AFF3: variants seen among roughly 807,000 people sequenced by gnomAD.
The protein encoded by AFF3 is ALF transcription elongation factor 3, also known as AF4/FMR2 family member 3.
A neutral mutation model predicts 129.7 loss-of-function variants in AFF3; 32 were observed. The observed-to-expected ratio is 0.25, with a 90% CI of 0.19 to 0.33. The LOEUF (loss-of-function observed/expected upper bound fraction) is 0.33, where lower values mean the gene tolerates loss of function less well. Among genes scored for constraint, AFF3 ranks in the 10% least tolerant of loss-of-function variants. The pLI, the probability that AFF3 is intolerant of heterozygous loss-of-function variation, is 1.00. For synonymous variants in AFF3, 644 were observed against 635.4 expected (o/e 1.01, Z -0.20); for missense variants, 1,373 against 1,592.0 (o/e 0.86, Z 2.34).
chr2:99,758,847 C>T (rs1682342833), intron 8 of AFF3, among the ~76,000 whole-genome samples: 2 of 152,174 alleles, frequency 1.3e-5, no homozygotes, highest in South Asian at 4.1e-4. Flanking sequence ...ACTCTTTACT[C>T]CCAGTCCAGT....
chr2:99,713,477 C>T (rs1558776961), intron 11 of AFF3, among the ~76,000 whole-genome samples: 1 of 151,708 alleles, frequency 6.6e-6, no homozygotes, highest in Non-Finnish European at 1.5e-5. Context: ...CCCTGTTGGC[C>T]AGGTTGGTCT....
At chr2:99,704,999 A>T (rs1677220052) in intron 11 of AFF3, among the ~76,000 whole-genome samples, 1 of 152,168 alleles carries the variant, frequency 6.6e-6, no homozygotes, top group Admixed American at 6.5e-5. Flanking sequence ...AAGGTAGAGG[A>T]AAAAAACCAA....
chr2:99,965,969 G>C (rs1677702280), intron 7 of AFF3, among the ~76,000 whole-genome samples: 1 of 152,134 alleles, frequency 6.6e-6, no homozygotes, highest in Non-Finnish European at 1.5e-5. Flanking sequence ...TACTATACAT[G>C]AGATTTTTAT....
chr2:100,011,479 C>G (rs767254701), intron 4 of AFF3: 1 of 780,806 alleles, frequency 1.3e-6, no homozygotes, highest in African/African-American at 1.7e-5. Context: ...CAGAAGGCCC[C>G]CATGCCCAAA....
At chr2:99,793,748 T>C (rs1685369802) in intron 8 of AFF3, among the ~76,000 whole-genome samples, 1 of 152,210 alleles carries the variant, frequency 6.6e-6, no homozygotes, top group South Asian at 2.1e-4. Flanking sequence ...AAATTTTCAG[T>C]ATCTTTGTCC....
chr2:100,113,250 A>G (rs1223068737), intron 2 of AFF3, among the ~76,000 whole-genome samples: 4 of 152,252 alleles, frequency 2.6e-5, no homozygotes, highest in Non-Finnish European at 5.9e-5. Flanking sequence ...CAGTGAGCTA[A>G]GAAAGAAGAT....
intron 7 of AFF3, among the ~76,000 whole-genome samples, chr2:99,941,300 T>C (rs904472303): frequency 2.6e-5 from 4 of 152,134 alleles, no homozygotes; most frequent in Middle Eastern, 3.2e-3. Context: ...CTTTAGAGGA[T>C]TGGGCAGCTC....
intron 11 of AFF3, among the ~76,000 whole-genome samples, chr2:99,703,356 G>A (rs1677055042): frequency 6.6e-6 from 1 of 152,222 alleles, no homozygotes; most frequent in Non-Finnish European, 1.5e-5. Context: ...GCATGTGAAT[G>A]ATACGGTGGG....
chr2:100,126,110 A>T (rs2105572296), intron 2 of AFF3, among the ~76,000 whole-genome samples: 1 of 152,354 alleles, frequency 6.6e-6, no homozygotes, highest in African/African-American at 2.4e-5. Context: ...CCAACTTCTC[A>T]CACCCATCCT....
At chr2:99,754,656 CT>C (rs1681941174) in intron 8 of AFF3, among the ~76,000 whole-genome samples, 1 of 152,208 alleles carries the variant, frequency 6.6e-6, no homozygotes, top group African/African-American at 2.4e-5. Flanking sequence ...CCAACAGCTT[CT>C]TACAACTGAC....
intron 7 of AFF3, among the ~76,000 whole-genome samples, chr2:99,858,968 AT>A (rs1286081382): frequency 2.6e-5 from 4 of 152,238 alleles, no homozygotes; most frequent in Non-Finnish European, 5.9e-5. Context: ...ATCTTCAGTA[AT>A]AGCTGACCGA....
At chr2:99,844,434 C>CTTTTTTTTTTTTTTTTT (rs984233053) in intron 7 of AFF3, among the ~76,000 whole-genome samples, 46 of 92,454 alleles carry the variant, frequency 5.0e-4, no homozygotes, top group South Asian at 8.3e-4. Flanking sequence ...TTTTTCTTTT[C>CTTTTTTTTTTTTTTTTT]TTTTTTTTTT....
intron 8 of AFF3, among the ~76,000 whole-genome samples, chr2:99,825,794 G>A (rs925814766): frequency 6.6e-6 from 1 of 152,092 alleles, no homozygotes. Flanking sequence ...AGCCCTCAGG[G>A]GTTAGCATGT....
At chr2:100,134,699 C>T (rs1378894292) in intron 1 of AFF3, among the ~76,000 whole-genome samples, 1 of 152,170 alleles carries the variant, frequency 6.6e-6, no homozygotes, top group Non-Finnish European at 1.5e-5. Flanking sequence ...TTTTACTCTC[C>T]TCTCCACCAC....
intron 7 of AFF3, among the ~76,000 whole-genome samples, chr2:99,983,550 C>T (rs926512817): frequency 6.6e-6 from 1 of 152,192 alleles, no homozygotes; most frequent in African/African-American, 2.4e-5. Context: ...CTTCAAGGGT[C>T]TGCTGTTGTT....
chr2:99,977,971 A>C (rs1170418684), intron 7 of AFF3, among the ~76,000 whole-genome samples: 1 of 152,184 alleles, frequency 6.6e-6, no homozygotes, highest in Non-Finnish European at 1.5e-5. Flanking sequence ...TCTAAGGAGG[A>C]GAAGAGCTCA....
intron 7 of AFF3, among the ~76,000 whole-genome samples, chr2:99,934,465 G>A (rs779030236): frequency 1.3e-5 from 2 of 152,230 alleles, no homozygotes; most frequent in Non-Finnish European, 2.9e-5. Context: ...GGGCCTCCAC[G>A]GTGCTGCACA....
At chr2:99,612,677 G>C (rs767380481) in intron 13 of AFF3, among the ~76,000 whole-genome samples, 39 of 152,188 alleles carry the variant, frequency 2.6e-4, no homozygotes, top group Non-Finnish European at 5.0e-4. Flanking sequence ...GAGAGGATAG[G>C]GTTTTGCTGA....
chr2:99,969,972 T>G (rs894379770), intron 7 of AFF3, among the ~76,000 whole-genome samples: 7 of 152,194 alleles, frequency 4.6e-5, no homozygotes, highest in African/African-American at 1.7e-4. Flanking sequence ...TTGCAGGCAT[T>G]CTCTGTCTCA....
Sources: gnomAD v4.1 joint callset for allele counts (sites outside exome capture counted in the v4.1 genomes callset) on GRCh38, gnomAD v4.1.1 for gene constraint, MANE v1.5 for transcripts, NCBI Gene and HGNC (gene_info 2026-07-23, HGNC 2026-07-21) for gene names.